Variants in MIEF1 observed in about 807,000 individuals in gnomAD.
The protein encoded by MIEF1 is mitochondrial dynamics protein MIEF1.
In MIEF1, 14 loss-of-function variants were observed where a neutral mutation model predicts 35.1. The ratio of observed to expected loss-of-function variants is 0.40; its 90% confidence interval spans 0.26 to 0.62. MIEF1 has a LOEUF of 0.62. Ranked by LOEUF, MIEF1 falls within the 20% of genes least tolerant of loss-of-function variation. MIEF1 has a pLI of 0.43. For synonymous variants in MIEF1, 245 were observed against 254.3 expected, an observed-to-expected ratio of 0.96 and a Z score of 0.35; for missense variants, 542 against 615.4, an observed-to-expected ratio of 0.88 and a Z score of 1.26.
chr22:39,500,458 G>C (rs913922320), upstream of MIEF1: 1 of 150,890 alleles, frequency 6.6e-6, no homozygotes, highest in Non-Finnish European at 1.5e-5. Flanking sequence ...ACATTCCATA[G>C]AACAAGAAAG....
chr22:39,512,184 G>A lies in MIEF1; in HGVS notation c.323-48G>A, dbSNP rs749264450. The A allele has an allele frequency of 3.1e-6, 5 of 1,590,424 alleles. No homozygotes were observed. In the East Asian group the frequency reaches 8.9e-5, roughly 28 times the overall value. The stretch of plus-strand genomic sequence containing the variant: ...TCTGGGGCTGAGGCAGCTGTGGACT[G>A]AGCAGGCATGGGCAGAGCTCACGTG... On this transcript the variant is annotated intron_variant, in intron 4 of 5. Transcript: ENST00000325301.
rs1188865562 is a variant in MIEF1, at chr22:39,513,899, TG to T, written c.970del (p.Val324TrpfsTer7). On this transcript the variant is annotated frameshift_variant, in exon 6 of 6. Coordinates refer to ENST00000325301, the MANE Select transcript of MIEF1 (RefSeq NM_019008.6). LOFTEE classifies it high-confidence loss of function. ...LPSVTLGDTVLVAKPHRLAQY... is the reference protein window; with the variant it reads ...LPSVTLGDTVXVAKPHRLAQY... ...TCAGTGACCCTCGGTGACACAGTCT[TG>T]GTGGCCAAACCACACCGGCTAGCCC... is the stretch of plus-strand genomic sequence containing the variant. 4.3e-6 allele frequency: 7 copies of T among 1,613,980 alleles called. No homozygotes were observed. Among genetic ancestry groups the T allele is most frequent in the Non-Finnish European group, 5.9e-6 (7 of 1,180,034 alleles).
In MIEF1 at chr22:39,513,897, C is replaced by G; in HGVS notation, c.966C>G (p.Val322=). The change falls in exon 6 of 6, where the codon GTC becomes GTG. Residue 322 remains valine (V), a synonymous_variant. Coordinates refer to ENST00000325301, the MANE Select transcript of MIEF1 (RefSeq NM_019008.6). ...FLPSVTLGDT[V]LVAKPHRLAQ... is the part of the protein sequence containing the mutation. ...CATCAGTGACCCTCGGTGACACAGT[C>G]TTGGTGGCCAAACCACACCGGCTAG... The G allele has an allele frequency of 2.5e-6, 4 of 1,614,144 alleles. No individual in the cohort carries two copies. The highest frequency in any genetic ancestry group is 3.4e-6 in the Non-Finnish European group (4 of 1,180,040).
intron 5 of MIEF1, among the ~76,000 whole-genome samples, chr22:39,513,092 A>C (rs1345854923): frequency 6.7e-6 from 1 of 148,300 alleles, no homozygotes; most frequent in Non-Finnish European, 1.5e-5. Context: ...GCATGGTGAC[A>C]TGAAAGAATT....
chr22:39,505,062 C>T (rs1929947388), intron 2 of MIEF1, among the ~76,000 whole-genome samples: 1 of 151,442 alleles, frequency 6.6e-6, no homozygotes, highest in Non-Finnish European at 1.5e-5. Context: ...GGCATGGTGG[C>T]GCATGCCTTA....
Position 39,512,412 on chromosome 22 carries a change from TCCGGAGCTTCC to T in MIEF1, c.504_514del (p.Arg169AlafsTer6). On this transcript the variant is annotated frameshift_variant, in exon 5 of 6. Coordinates refer to ENST00000325301, the MANE Select transcript of MIEF1 (RefSeq NM_019008.6). LOFTEE classifies it high-confidence loss of function. ...GCTGCTGTGGACATATGTGCCGAGC[TCCGGAGCTTCC>T]TGCGGGCCAAGTTGCCTGACATGCC... 6.2e-7 allele frequency: 1 copy of T among 1,614,162 alleles called. No individual in the cohort carries two copies. The highest frequency in any genetic ancestry group is 8.5e-7 in the Non-Finnish European group (1 of 1,180,022).
rs559006333 is a variant in MIEF1, at chr22:39,517,497, A to G, written c.*3174A>G. 17 of 470,798 alleles carry G rather than the reference A, an allele frequency of 3.6e-5. No individual in the cohort carries two copies. Among genetic ancestry groups the G allele is most frequent in the East Asian group, 1.4e-4 (2 of 14,398 alleles). 29.2% of individuals were successfully genotyped at this position (470,798 alleles called of 1,614,324 possible). On this transcript the variant is annotated 3_prime_UTR_variant, in exon 6 of 6. Coordinates refer to ENST00000325301, the MANE Select transcript of MIEF1 (RefSeq NM_019008.6). ...GCACTCCACTCAAGTTGAGAGTTCA[A>G]ATAGTCTTGAAGGGGAATCAGCTTC... is the stretch of plus-strand genomic sequence containing the variant.
chr22:39,504,635 G>GAAA, intron 2 of MIEF1, 101 bp downstream of exon 2: 1 of 367,964 alleles, frequency 2.7e-6, no homozygotes, highest in Non-Finnish European at 4.8e-6. Flanking sequence ...TCAGTGCAGA[G>GAAA]CCAGGTGCAC....
At position 39,504,482 on chromosome 22, in the gene MIEF1, G is replaced by T; in HGVS notation, c.-60G>T. The T allele has an allele frequency of 5.0e-6, 2 of 398,936 alleles. No individual in the cohort carries two copies. Among genetic ancestry groups the T allele is most frequent in the South Asian group, 2.6e-4 (2 of 7,720 alleles). The allele number at this position is 398,936 out of a possible 1,614,324, so 24.7% of individuals were successfully genotyped here. On this transcript the variant is annotated 5_prime_UTR_variant, in exon 2 of 6. Coordinates refer to ENST00000325301, the MANE Select transcript of MIEF1 (RefSeq NM_019008.6). ...AAAGAGGACAAAGGTGCCTTCTGTA[G>T]ACACTCCTGCTCTCTTCCATCCCCA...
At position 39,514,289 on chromosome 22, in the gene MIEF1, C is replaced by T. The variant is rs752475555; in HGVS notation, c.1358C>T (p.Ser453Leu). The T allele has an allele frequency of 5.6e-6, 9 of 1,613,900 alleles. No homozygotes were observed. Among genetic ancestry groups the T allele is most frequent in the Admixed American group, 1.7e-5 (1 of 60,008 alleles). ...IDELGYTLYC[S>L]LSEPEVLLQT The stretch of plus-strand genomic sequence containing the variant: ...GAATTAGGATACACTCTGTATTGCT[C>T]ATTGTCTGAGCCAGAGGTGCTGCTG... The change falls in exon 6 of 6, where the codon TCA becomes TTA. Residue 453 changes from serine (S) to leucine (L), a missense_variant. Coordinates refer to ENST00000325301, the MANE Select transcript of MIEF1 (RefSeq NM_019008.6).
chr22:39,515,468 CGGGCACGGCCAGAG>C lies in MIEF1; in HGVS notation c.*1148_*1161del. The C allele has an allele frequency of 1.5e-6, 1 of 650,450 alleles. No homozygotes were observed. Among genetic ancestry groups the C allele is most frequent in the South Asian group, 1.8e-5 (1 of 55,826 alleles). The allele number at this position is 650,450 out of a possible 1,614,324, so 40.3% of individuals were successfully genotyped here. On this transcript the variant is annotated 3_prime_UTR_variant, in exon 6 of 6. Transcript: ENST00000325301. ...TGAGAGGGGTGTTTGCTGAGCGCTC[CGGGCACGGCCAGAG>C]GGCAAGTGAGCATGCACGGACCTCT...
chr22:39,504,673 C>T, intron 2 of MIEF1, 139 bp downstream of exon 2: 1 of 322,670 alleles, frequency 3.1e-6, no homozygotes, highest in East Asian at 4.8e-5. Flanking sequence ...CCCAACTCTG[C>T]AGGAGGCTGA....
chr22:39,514,111 CAGG>C lies in MIEF1; in HGVS notation c.1187_1189del (p.Glu396del). The C allele has an allele frequency of 6.2e-7, 1 of 1,614,242 alleles. No individual in the cohort carries two copies. Among genetic ancestry groups the C allele is most frequent in the Non-Finnish European group, 8.5e-7 (1 of 1,180,046 alleles). ...AACCAATGTCATCCTCCACTTGGCC[CAGG>C]AGGAGGCTGACTGGTCTCCGGATAT... is the stretch of plus-strand genomic sequence containing the variant. On this transcript the variant is annotated inframe_deletion, in exon 6 of 6. Coordinates refer to ENST00000325301, the MANE Select transcript of MIEF1 (RefSeq NM_019008.6).
chr22:39,512,201 G>A (rs1416228562), intron 4 of MIEF1, 31 bp from the exon 5 acceptor site: 1 of 1,602,144 alleles, frequency 6.2e-7, no homozygotes, highest in South Asian at 1.1e-5. Context: ...CATGGGCAGA[G>A]CTCACGTGCC....
upstream of MIEF1, chr22:39,500,224 T>G (rs1929642781): frequency 6.6e-6 from 1 of 152,234 alleles, no homozygotes; most frequent in Non-Finnish European, 1.5e-5. Context: ...CAGTGCCCCC[T>G]GCCGTGGGTC....
intron 2 of MIEF1, among the ~76,000 whole-genome samples, chr22:39,506,369 T>C (rs571030657): frequency 1.1e-4 from 16 of 152,254 alleles, no homozygotes; most frequent in African/African-American, 3.6e-4. Flanking sequence ...TGTAGATTAG[T>C]TCTCCGCACC....
rs571580346 is a variant in MIEF1, at chr22:39,515,546, C to T, written c.*1223C>T. On this transcript the variant is annotated 3_prime_UTR_variant, in exon 6 of 6. Transcript: ENST00000325301. ...TTTCTCACCCAGCACCTGGGGAGAT[C>T]GGTGCTACCAAGGAAGAGAGCACAC... 1.2e-4 allele frequency: 70 copies of T among 583,164 alleles called. No homozygotes were observed. Among genetic ancestry groups the T allele is most frequent in the South Asian group, 7.2e-4 (34 of 47,398 alleles). 36.1% of individuals were successfully genotyped at this position (583,164 alleles called of 1,614,324 possible).
intron 3 of MIEF1, 82 bp from the exon 4 acceptor site, chr22:39,511,767 A>G (rs1930353189): frequency 1.6e-5 from 24 of 1,490,716 alleles, no homozygotes; most frequent in Non-Finnish European, 2.2e-5. Flanking sequence ...TTACTAGGAC[A>G]GAGCTTCTGG....
chr22:39,509,386 G>C (rs1312325566), intron 2 of MIEF1: 2 of 152,268 alleles, frequency 1.3e-5, no homozygotes, highest in Admixed American at 6.5e-5. Flanking sequence ...GTGGTATTCC[G>C]ATCTGAATCA....
Sources: gnomAD v4.1 joint callset for allele counts (sites outside exome capture counted in the v4.1 genomes callset) on GRCh38, gnomAD v4.1.1 for gene constraint, MANE v1.5 for transcripts, NCBI Gene and HGNC (gene_info 2026-07-23, HGNC 2026-07-21) for gene names.